The following FFAR4 variants were observed in gnomAD, a reference collection of about 807,000 sequenced individuals.
FFAR4 encodes G-protein coupled receptor 120.
Under a neutral mutation model 27.0 loss-of-function variants are expected in FFAR4, and 19 were observed. The observed-to-expected ratio is 0.70, with a 90% CI of 0.49 to 1.03. FFAR4 has a LOEUF of 1.03. Among genes scored for constraint, FFAR4 ranks in the 50% least tolerant of loss-of-function variants. FFAR4 has a pLI of 0.00. For missense variants in FFAR4, 476 were observed against 479.0 expected (o/e 0.99, Z 0.06); for synonymous variants, 254 against 215.6 (o/e 1.18, Z -1.56).
At chr10:93,576,451 A>C (rs2058164708) in intron 2 of FFAR4, among the ~76,000 whole-genome samples, 1 of 152,266 alleles carries the variant, frequency 6.6e-6, no homozygotes, top group Admixed American at 6.5e-5. Context: ...AAAAAATTAA[A>C]TTAAAATGAA....
At chr10:93,582,340 G>A (rs987853884) in intron 2 of FFAR4, among the ~76,000 whole-genome samples, 2 of 151,858 alleles carry the variant, frequency 1.3e-5, no homozygotes, top group Non-Finnish European at 2.9e-5. Context: ...AGGTCGGGAG[G>A]TCAAGACCAG....
rs1446029386 is a variant in FFAR4 at position 93,589,639 on chromosome 10, TCA to T, written c.*2031_*2032del. The T allele has an allele frequency of 6.6e-6, 1 of 151,832 alleles. No individual in the cohort carries two copies. The highest frequency in any genetic ancestry group is 2.4e-5 in the African/African-American group (1 of 41,362). 9.4% of individuals were successfully genotyped at this position (151,832 alleles called of 1,614,324 possible). A position where few individuals can be genotyped will look rare whatever the true frequency, so the allele number is the denominator to read the frequency against. On this transcript the variant is annotated 3_prime_UTR_variant, in exon 3 of 3. Transcript: ENST00000371481. ...AGCCAAGAGTTTCATTTGGAGCTCATCAGTTTGAAATCTCAGTGAGACTTCCA... is the reference window on the plus strand; with the variant it reads ...AGCCAAGAGTTTCATTTGGAGCTCATGTTTGAAATCTCAGTGAGACTTCCA...
chr10:93,577,197 C>T (rs1451347102), intron 2 of FFAR4, among the ~76,000 whole-genome samples: 1 of 152,156 alleles, frequency 6.6e-6, no homozygotes, highest in Non-Finnish European at 1.5e-5. Context: ...CATGTTTATG[C>T]CCATTTTAGA....
At position 93,587,728 on chromosome 10, in the gene FFAR4, A is replaced by G. The variant is rs2058237900; in HGVS notation, c.*119A>G. 6 of 937,784 alleles carry G rather than the reference A, an allele frequency of 6.4e-6. No homozygotes were observed. Among genetic ancestry groups the G allele is most frequent in the Non-Finnish European group, 8.0e-6 (5 of 621,898 alleles). 58.1% of individuals were successfully genotyped at this position (937,784 alleles called of 1,614,324 possible). A position where few individuals can be genotyped will look rare whatever the true frequency, so the allele number is the denominator to read the frequency against. On this transcript the variant is annotated 3_prime_UTR_variant, in exon 3 of 3. Transcript: ENST00000371481. ...TTTAAGAAAATGAACCTATGCAAAT[A>G]GACATCCACAGCGTCGGTAAATTAA... is the stretch of plus-strand genomic sequence containing the variant.
At position 93,566,726 on chromosome 10, in the gene FFAR4, C is replaced by A. The variant is rs756813395; in HGVS notation, c.6C>A (p.Ser2=). 1.5e-5 allele frequency: 24 copies of A among 1,590,308 alleles called. No individual in the cohort carries two copies. In the Admixed American group the frequency reaches 2.0e-4, roughly 14 times the overall value. ...CGGGCCGCCAGGCGCCGGGAATGTC[C>A]CCTGAATGCGCGCGGGCAGCGGGCG... is the stretch of plus-strand genomic sequence containing the variant. M[S]PECARAAGDA... Residue 2 remains serine (S), a synonymous_variant, in exon 1 of 3, where the codon TCC becomes TCA. Coordinates refer to ENST00000371481, the MANE Select transcript of FFAR4 (RefSeq NM_001195755.2).
chr10:93,580,206 T>C (rs895754623), intron 2 of FFAR4, among the ~76,000 whole-genome samples: 17 of 152,190 alleles, frequency 1.1e-4, no homozygotes, highest in Admixed American at 6.5e-5. Flanking sequence ...TGTCCAAGCT[T>C]TTTCTGTGAA....
At chr10:93,577,431 C>G (rs890241072) in intron 2 of FFAR4, among the ~76,000 whole-genome samples, 2 of 152,172 alleles carry the variant, frequency 1.3e-5, no homozygotes, top group African/African-American at 4.8e-5. Context: ...CCATCCAGGT[C>G]TGCTAATCCC....
At chr10:93,581,021 C>CTG (rs2058194362) in intron 2 of FFAR4, among the ~76,000 whole-genome samples, 1 of 152,238 alleles carries the variant, frequency 6.6e-6, no homozygotes, top group Non-Finnish European at 1.5e-5. Flanking sequence ...ACTGAGATGC[C>CTG]TCTACCCTTT....
rs747205166 is a variant in FFAR4, at chr10:93,587,496, C to A, written c.973C>A (p.Leu325Met). ...AAACCCCATCCTCTACAACATGACA[C>A]TGTGCAGGAATGAGTGGAAGAAAAT... ...ALNPILYNMT[L>M]CRNEWKKIFC... The change falls in exon 3 of 3, where the codon CTG becomes ATG. Residue 325 changes from leucine (L) to methionine (M), a missense_variant. Leu to Met is a conservative substitution (Grantham distance 15). Transcript: ENST00000371481. 2 of 1,614,150 alleles carry A rather than the reference C, an allele frequency of 1.2e-6. No individual in the cohort carries two copies. Among genetic ancestry groups the A allele is most frequent in the Non-Finnish European group, 1.7e-6 (2 of 1,180,044 alleles).
rs766447209 is a variant in FFAR4 at position 93,587,596 on chromosome 10, T to C, written c.1073T>C (p.Ile358Thr). Residue 358 changes from isoleucine (I) to threonine (T), a missense_variant, in exon 3 of 3, where the codon ATT becomes ACT. Transcript: ENST00000371481. ...DTSVKRNDLSIISG is the reference protein window; with the variant it reads ...DTSVKRNDLSTISG The stretch of plus-strand genomic sequence containing the variant: ...TCTGTCAAAAGAAATGACTTGTCGA[T>C]TATTTCTGGCTAATTTTTCTTTATA... 3.1e-6 allele frequency: 5 copies of C among 1,611,766 alleles called. No individual in the cohort carries two copies. The Admixed American group carries it at 8.4e-5, about 27-fold the overall frequency.
intron 1 of FFAR4, among the ~76,000 whole-genome samples, chr10:93,574,164 G>C (rs1377289566): frequency 6.6e-6 from 1 of 152,014 alleles, no homozygotes; most frequent in Non-Finnish European, 1.5e-5. Flanking sequence ...CAACACACTG[G>C]GATCATAGAA....
At position 93,587,667 on chromosome 10, in the gene FFAR4, A is replaced by G. The variant is rs532868916; in HGVS notation, c.*58A>G. ...CGAGCTGTGGCATGCTTTTAAACAG[A>G]GTTCATTTCCAGTACCCTCCATCAG... is the stretch of plus-strand genomic sequence containing the variant. On this transcript the variant is annotated 3_prime_UTR_variant, in exon 3 of 3. Transcript: ENST00000371481. 7.2e-6 allele frequency: 11 copies of G among 1,535,246 alleles called. 1 individual carries two copies. The South Asian group carries it at 1.3e-4, about 18-fold the overall frequency.
chr10:93,566,842 C>T lies in FFAR4; in HGVS notation c.122C>T (p.Ala41Val), dbSNP rs2058099131. The T allele has an allele frequency of 6.2e-7, 1 of 1,600,392 alleles. No homozygotes were observed. The highest frequency in any genetic ancestry group is 8.5e-7 in the Non-Finnish European group (1 of 1,175,168). Residue 41 changes from alanine to valine, a missense_variant, in exon 1 of 3, where the codon GCG becomes GTG. Ala to Val is a moderately conservative substitution (Grantham distance 64). Transcript: ENST00000371481. ...GGCGACCACCGGCTGGTGCTGGCCG[C>T]GGTGGAGACAACCGTGCTGGTGCTC... ...VKGDHRLVLA[A>V]VETTVLVLIF...
rs1484712414 is a variant in FFAR4, at chr10:93,589,804, G to GGTCACTCCAAAGAA, written c.*2195_*2196insGTCACTCCAAAGAA. On this transcript the variant is annotated 3_prime_UTR_variant, in exon 3 of 3. Transcript: ENST00000371481. ...GAGATAGAGAGAAACCAGAGCCAAAGACCGAACCCAGGGTCACTCCACCAC... is the reference window on the plus strand; with the variant it reads ...GAGATAGAGAGAAACCAGAGCCAAAGGTCACTCCAAAGAAACCGAACCCAGGGTCACTCCACCAC... 6.6e-6 allele frequency: 1 copy of GGTCACTCCAAAGAA among 152,220 alleles called. No individual in the cohort carries two copies. Among genetic ancestry groups the GGTCACTCCAAAGAA allele is most frequent in the East Asian group, 1.9e-4 (1 of 5,194 alleles). The allele number at this position is 152,220 out of a possible 1,614,324, so 9.4% of individuals were successfully genotyped here.
At chr10:93,579,077 C>T in intron 2 of FFAR4, 1 of 1,274,726 alleles carries the variant, frequency 7.8e-7, no homozygotes, top group Non-Finnish European at 1.1e-6. Flanking sequence ...GTCCTTTTAG[C>T]CACCCACCTC....
At chr10:93,569,153 A>T (rs561732167) in intron 1 of FFAR4, among the ~76,000 whole-genome samples, 2 of 152,344 alleles carry the variant, frequency 1.3e-5, no homozygotes, top group South Asian at 4.1e-4. Context: ...TATTTCTCAC[A>T]GAACTTGAGG....
At chr10:93,579,497 A>G (rs2058186811) in intron 2 of FFAR4, among the ~76,000 whole-genome samples, 1 of 152,128 alleles carries the variant, frequency 6.6e-6, no homozygotes, top group Admixed American at 6.5e-5. Context: ...GCTCTTCACC[A>G]AAAAGTCTTC....
intron 2 of FFAR4, among the ~76,000 whole-genome samples, chr10:93,579,765 CTCT>C (rs2058188035): frequency 6.6e-6 from 1 of 152,188 alleles, no homozygotes; most frequent in South Asian, 2.1e-4. Context: ...ACAGGGTCGT[CTCT>C]TCTTGGACAG....
intron 2 of FFAR4, among the ~76,000 whole-genome samples, chr10:93,582,943 T>G (rs1360520554): frequency 6.6e-6 from 1 of 152,050 alleles, no homozygotes; most frequent in Non-Finnish European, 1.5e-5. Context: ...TCAGATCTCA[T>G]GAGAACTCAT....
Sources: gnomAD v4.1 joint callset for allele counts (sites outside exome capture counted in the v4.1 genomes callset) on GRCh38, gnomAD v4.1.1 for gene constraint, MANE v1.5 for transcripts, NCBI Gene and HGNC (gene_info 2026-07-23, HGNC 2026-07-21) for gene names.